PCDHGB2: variants seen among roughly 807,000 people sequenced by gnomAD.
The protein encoded by PCDHGB2 is protocadherin gamma subfamily B, 2.
A neutral mutation model predicts 59.3 loss-of-function variants in PCDHGB2; 55 were observed. That is an observed-to-expected ratio of 0.93 (90% CI 0.75 to 1.16). The LOEUF (loss-of-function observed/expected upper bound fraction) is 1.16, where lower values mean the gene tolerates loss of function less well. Ranked by LOEUF, PCDHGB2 falls within the 50% of genes most tolerant of loss-of-function variation. The probability of loss-of-function intolerance (pLI) is 0.00; values close to 1 mark genes in which losing one functional copy is unlikely to be tolerated. For missense variants in PCDHGB2, 1,228 were observed against 1,198.5 expected (o/e 1.02, Z -0.36); for synonymous variants, 516 against 512.0 (o/e 1.01, Z -0.11).
At chr5:141,505,298 T>TA in intron 2 of PCDHGB2, 95 bp from the exon 3 acceptor site, 1 of 1,586,334 alleles carries the variant, frequency 6.3e-7, no homozygotes, top group Non-Finnish European at 8.6e-7. Context: ...GGGGTAGGGT[T>TA]AGGGTACTAG....
chr5:141,364,879 A>C (rs1457697682), intron 1 of PCDHGB2: 3 of 1,613,862 alleles, frequency 1.9e-6, no homozygotes, highest in Non-Finnish European at 1.7e-6. Flanking sequence ...TGGATGTGGT[A>C]AGCGGAACTG....
At chr5:141,394,395 C>A (rs1238779909) in intron 1 of PCDHGB2, 3 of 1,614,146 alleles carry the variant, frequency 1.9e-6, no homozygotes, top group African/African-American at 1.3e-5. Context: ...GATCCGAGAC[C>A]TGCAGCTACT....
intron 1 of PCDHGB2, among the ~76,000 whole-genome samples, chr5:141,494,218 T>C (rs1224329242): frequency 1.3e-5 from 2 of 152,222 alleles, no homozygotes; most frequent in South Asian, 2.1e-4. Context: ...CAATCTGGCA[T>C]GACTCCTAAA....
At position 141,399,350 on chromosome 5, in the gene PCDHGB2, G is replaced by A. The variant is rs746925566; in HGVS notation, c.2421+36794G>A. On this transcript the variant is annotated intron_variant, in intron 1 of 3. Transcript: ENST00000522605. ...TTGGTAACAGATGGAACCCTAGACC[G>A]AGAGCAAACCCCGGAGTACAATGTC... is the stretch of plus-strand genomic sequence containing the variant. The A allele has an allele frequency of 6.8e-6, 11 of 1,613,966 alleles. No individual in the cohort carries two copies. The South Asian group carries it at 1.1e-4, about 16-fold the overall frequency.
chr5:141,368,869 C>A (rs1351748629), intron 1 of PCDHGB2, among the ~76,000 whole-genome samples: 2 of 152,124 alleles, frequency 1.3e-5, no homozygotes, highest in Non-Finnish European at 2.9e-5. Context: ...TGTTTTGGAG[C>A]AAAGTCTTGA....
Position 141,419,025 on chromosome 5 carries a change from G to T in PCDHGB2, c.2421+56469G>T, listed in dbSNP as rs2096315076. 6.2e-6 allele frequency: 10 copies of T among 1,613,736 alleles called. No homozygotes were observed. In the East Asian group the frequency reaches 2.0e-4, roughly 32 times the overall value. On this transcript the variant is annotated intron_variant, in intron 1 of 3. Transcript: ENST00000522605. ...GAAGTCAGGTGTAGCTTAAGTAGAG[G>T]TGTTCCATTTAAGATTCATTCTTCT...
chr5:141,405,797 T>C (rs1589594153), intron 1 of PCDHGB2, among the ~76,000 whole-genome samples: 1 of 148,508 alleles, frequency 6.7e-6, no homozygotes, highest in Non-Finnish European at 1.5e-5. Flanking sequence ...CTATTATAGT[T>C]AGCTTTCTCT....
chr5:141,366,629 C>T (rs1380295495), intron 1 of PCDHGB2: 1 of 1,614,252 alleles, frequency 6.2e-7, no homozygotes, highest in South Asian at 1.1e-5. Flanking sequence ...GAGGAAGAGT[C>T]ACCTGATCTT....
At chr5:141,495,613 G>A (rs1230710705) in intron 2 of PCDHGB2, among the ~76,000 whole-genome samples, 2 of 152,068 alleles carry the variant, frequency 1.3e-5, no homozygotes, top group Non-Finnish European at 2.9e-5. Flanking sequence ...CTTGATTGCT[G>A]CACCTCAGCC....
chr5:141,422,907 G>C (rs1330364637), intron 1 of PCDHGB2: 4 of 1,614,078 alleles, frequency 2.5e-6, no homozygotes, highest in Non-Finnish European at 3.4e-6. Flanking sequence ...ACGACAATGC[G>C]CCCGAGATCC....
At chr5:141,411,045 T>G (rs1409162601) in intron 1 of PCDHGB2, 1 of 159,716 alleles carries the variant, frequency 6.3e-6, no homozygotes, top group Non-Finnish European at 1.4e-5. Flanking sequence ...AGACATGGGG[T>G]TTCACTATGT....
At position 141,487,080 on chromosome 5, in the gene PCDHGB2, C is replaced by G. The variant is rs2154580766; in HGVS notation, c.2422-7727C>G. 1 of 1,614,126 alleles carries G rather than the reference C, an allele frequency of 6.2e-7. No individual in the cohort carries two copies. Among genetic ancestry groups the G allele is most frequent in the East Asian group, 2.2e-5 (1 of 44,872 alleles). On this transcript the variant is annotated intron_variant, in intron 1 of 3. Coordinates refer to ENST00000522605, the MANE Select transcript of PCDHGB2 (RefSeq NM_018923.3). This position sits in a 1 kb window ranked among gnomAD's most constrained non-coding sequence, Gnocchi z 5.0. ...GTGCGGACGGCTGTTCCTATCCCAG[C>G]TGACCTCCCACCACAGAAGCTGGTC...
intron 3 of PCDHGB2, among the ~76,000 whole-genome samples, chr5:141,506,473 G>A (rs976701500): frequency 2.7e-4 from 40 of 150,506 alleles, no homozygotes; most frequent in Admixed American, 1.5e-3. Flanking sequence ...AAAGAGCACA[G>A]GCTTTAGAGG....
intron 1 of PCDHGB2, chr5:141,413,663 AT>A (rs1344545568): frequency 6.2e-7 from 1 of 1,613,844 alleles, no homozygotes; most frequent in African/African-American, 1.3e-5. Flanking sequence ...GAAGCTATTG[AT>A]CCGGATGTGG....
intron 1 of PCDHGB2, chr5:141,394,196 C>G (rs760903381): frequency 2.7e-5 from 44 of 1,613,792 alleles, no homozygotes; most frequent in African/African-American, 4.0e-5. Flanking sequence ...CAGCGTATAT[C>G]CTAGAGAACA....
intron 1 of PCDHGB2, chr5:141,366,233 A>G (rs1354193643): frequency 6.2e-7 from 1 of 1,613,674 alleles, no homozygotes; most frequent in Non-Finnish European, 8.5e-7. Flanking sequence ...CCTGCTGGAC[A>G]GAGACGCGCT....
intron 1 of PCDHGB2, chr5:141,383,013 G>T: frequency 6.2e-7 from 1 of 1,613,828 alleles, no homozygotes; most frequent in South Asian, 1.1e-5. Context: ...TGTCGGAGGA[G>T]ACGGACAAAG....
At chr5:141,403,495 C>T (rs2094413954) in intron 1 of PCDHGB2, 2 of 1,614,014 alleles carry the variant, frequency 1.2e-6, no homozygotes, top group Non-Finnish European at 1.7e-6. Flanking sequence ...TCTCCCTGAA[C>T]GTGCAGACTG....
In PCDHGB2 at chr5:141,372,187, C is replaced by T. The variant is rs368451043; in HGVS notation, c.2421+9631C>T. ...AAGGTGGTGGCGGTGGACGCAGACT[C>T]GGGATACAACGCCTGGCTGTCCTAC... On this transcript the variant is annotated intron_variant, in intron 1 of 3. Coordinates refer to ENST00000522605, the MANE Select transcript of PCDHGB2 (RefSeq NM_018923.3). 5 of 1,613,508 alleles carry T rather than the reference C, an allele frequency of 3.1e-6. No homozygotes were observed. The highest frequency in any genetic ancestry group is 4.2e-6 in the Non-Finnish European group (5 of 1,179,930).
Sources: allele counts gnomAD v4.1 joint callset (sites outside exome capture counted in the v4.1 genomes callset), GRCh38; gene constraint gnomAD v4.1.1; non-coding constraint Gnocchi (gnomAD v3.1); transcripts MANE v1.5; gene names NCBI Gene and HGNC (gene_info 2026-07-23, HGNC 2026-07-21).